Variants in SHOC1 observed in about 807,000 individuals in gnomAD.
SHOC1 encodes the protein shortage in chiasmata 1, also known as protein shortage in chiasmata 1 ortholog.
In SHOC1, 136 loss-of-function variants were observed where a neutral mutation model predicts 179.2. The observed-to-expected ratio is 0.76, with a 90% confidence interval of 0.66 to 0.87. SHOC1 has a LOEUF of 0.87. Ranked by LOEUF, SHOC1 falls within the 40% of genes least tolerant of loss-of-function variation. The probability of loss-of-function intolerance (pLI) is 0.00; values close to 1 mark genes in which losing one functional copy is unlikely to be tolerated. For missense variants in SHOC1, 1,538 were observed against 1,700.8 expected, an observed-to-expected ratio of 0.90 and a Z score of 1.68; for synonymous variants, 489 against 586.6, an observed-to-expected ratio of 0.83 and a Z score of 2.41.
intron 24 of SHOC1, among the ~76,000 whole-genome samples, chr9:111,695,734 T>TA (rs773527408): frequency 2.0e-5 from 3 of 152,232 alleles, no homozygotes; most frequent in African/African-American, 4.8e-5. Context: ...AGAATGATGT[T>TA]AACATCACGA....
In SHOC1 at chr9:111,753,855, A is replaced by C. The variant is rs187763178; in HGVS notation, c.862+2470T>G. Among the ~76,000 whole-genome samples, 165 of 152,316 alleles carry C rather than the reference A, an allele frequency of 1.1e-3. 1 individual carries two copies. Among genetic ancestry groups the C allele is most frequent in the Middle Eastern group, 0.01 (3 of 294 alleles). ...GAATCTAAAAAGCCGAACTTATAGA[A>C]ACAGAGAATAGAAGAGTGGTTACCA... On this transcript the variant is annotated intron_variant, in intron 8 of 27. Coordinates refer to ENST00000682961, the MANE Select transcript of SHOC1 (RefSeq NM_001378211.1).
chr9:111,686,754 T>A lies in SHOC1; in HGVS notation c.*16A>T. The A allele has an allele frequency of 6.5e-7, 1 of 1,538,460 alleles. No homozygotes were observed. The highest frequency in any genetic ancestry group is 9.0e-7 in the Non-Finnish European group (1 of 1,112,252). Reference sequence around the variant, plus strand: ...AAACAGTGGAATATGGCATGTAACATTGCTCTTCTCCTCCTTCAAAAAAAC... The same window carrying A: ...AAACAGTGGAATATGGCATGTAACAATGCTCTTCTCCTCCTTCAAAAAAAC... On this transcript the variant is annotated 3_prime_UTR_variant, in exon 28 of 28. Coordinates refer to ENST00000682961, the MANE Select transcript of SHOC1 (RefSeq NM_001378211.1).
In SHOC1 at chr9:111,692,056, T is replaced by C; in HGVS notation, c.3921A>G (p.Ile1307Met). ...LGLTQMNCETIKSPTDTQKRV... is the reference protein window; with the variant it reads ...LGLTQMNCETMKSPTDTQKRV... ...TCTTCTGAGTGTCAGTTGGTGATTT[T>C]ATAGTTTCACAGTTCATTTGTGTTA... Residue 1307 changes from isoleucine (I) to methionine (M), a missense_variant, in exon 27 of 28, where the codon ATA (isoleucine) becomes ATG (methionine). By Grantham distance (10) the Ile-to-Met change is conservative. Transcript: ENST00000682961. 6.2e-7 allele frequency: 1 copy of C among 1,613,926 alleles called. No individual in the cohort carries two copies. The highest frequency in any genetic ancestry group is 8.5e-7 in the Non-Finnish European group (1 of 1,179,914).
At chr9:111,781,199 C>A in intron 3 of SHOC1, 182 bp from the exon 4 acceptor site, 1 of 565,458 alleles carries the variant, frequency 1.8e-6, no homozygotes, top group Non-Finnish European at 3.2e-6. Context: ...AACCTACCCC[C>A]GCCCCTCAAT....
chr9:111,736,733 A>G (rs1411776607), intron 12 of SHOC1, among the ~76,000 whole-genome samples: 1 of 152,220 alleles, frequency 6.6e-6, no homozygotes, highest in Admixed American at 6.5e-5. Flanking sequence ...ATGAAACTAA[A>G]GAGCTTCTGC....
At chr9:111,755,047 C>T (rs137898986) in intron 8 of SHOC1, among the ~76,000 whole-genome samples, 1 of 152,232 alleles carries the variant, frequency 6.6e-6, no homozygotes, top group Non-Finnish European at 1.5e-5. Context: ...CACTGCCTAC[C>T]CCCTGACCTT....
chr9:111,714,480 T>A lies in SHOC1; in HGVS notation c.2380A>T (p.Ile794Leu). Reference sequence around the variant, plus strand: ...TGTTGACTTTGCATCCAACTTAGTATCTGACATTGCAATTCTTGTATCTTG... The same window carrying A: ...TGTTGACTTTGCATCCAACTTAGTAACTGACATTGCAATTCTTGTATCTTG... ...NYKIQELQCQ[I>L]LSWMQSQQQI... Residue 794 changes from isoleucine to leucine, a missense_variant, in exon 17 of 28, where the codon ATA becomes TTA. Coordinates refer to ENST00000682961, the MANE Select transcript of SHOC1 (RefSeq NM_001378211.1). 1 of 1,613,994 alleles carries A rather than the reference T, an allele frequency of 6.2e-7. No homozygotes were observed. The highest frequency in any genetic ancestry group is 8.5e-7 in the Non-Finnish European group (1 of 1,179,924).
intron 4 of SHOC1, among the ~76,000 whole-genome samples, chr9:111,777,768 C>G (rs563893380): frequency 5.3e-5 from 8 of 152,054 alleles, no homozygotes; most frequent in Non-Finnish European, 8.8e-5. Flanking sequence ...CCTAATAATA[C>G]CCTTGTACAG....
At chr9:111,762,867 AC>A (rs1411711878) in intron 5 of SHOC1, among the ~76,000 whole-genome samples, 1 of 152,042 alleles carries the variant, frequency 6.6e-6, no homozygotes, top group Non-Finnish European at 1.5e-5. Flanking sequence ...GTATAGTCAG[AC>A]AAAAAAAAAA....
intron 16 of SHOC1, among the ~76,000 whole-genome samples, chr9:111,716,671 GT>G (rs1238454871): frequency 1.3e-5 from 2 of 152,150 alleles, no homozygotes; most frequent in African/African-American, 2.4e-5. Flanking sequence ...GATTACAGGC[GT>G]GAGCCATGGC....
intron 5 of SHOC1, among the ~76,000 whole-genome samples, chr9:111,764,264 T>C (rs1358538509): frequency 6.6e-6 from 1 of 152,234 alleles, no homozygotes; most frequent in Non-Finnish European, 1.5e-5. Flanking sequence ...TTTTACTTAA[T>C]TCTCCAATTT....
intron 7 of SHOC1, 142 bp from the exon 8 acceptor site, chr9:111,756,620 C>G (rs1303725606): frequency 1.5e-6 from 1 of 665,580 alleles, no homozygotes; most frequent in African/African-American, 1.8e-5. Flanking sequence ...GCTATATATA[C>G]TTTAAAAAAA....
At position 111,736,452 on chromosome 9, in the gene SHOC1, T is replaced by C. The variant is rs188515940; in HGVS notation, c.1417+1828A>G. ...AGATCTTCAACAAAGCCAACAAAAA[T>C]AAGCAAGGGGGAAAGAACTCCCTAT... On this transcript the variant is annotated intron_variant, in intron 12 of 27. Coordinates refer to ENST00000682961, the MANE Select transcript of SHOC1 (RefSeq NM_001378211.1). 4.6e-5 allele frequency among the ~76,000 whole-genome samples: 7 copies of C among 151,934 alleles called. No individual in the cohort carries two copies. The East Asian group carries it at 1.4e-3, about 29-fold the overall frequency.
At chr9:111,689,814 A>C (rs1831348287) in intron 27 of SHOC1, among the ~76,000 whole-genome samples, 1 of 152,140 alleles carries the variant, frequency 6.6e-6, no homozygotes, top group Non-Finnish European at 1.5e-5. Flanking sequence ...CTGTTTGACT[A>C]TTCTACTCAT....
intron 12 of SHOC1, among the ~76,000 whole-genome samples, chr9:111,730,152 T>C (rs1577873): frequency 0.8 from 121,739 of 152,122 alleles, 48,885 homozygotes; most frequent in East Asian, 0.92. Context: ...TTGCTATTTC[T>C]ACCACATCTG....
Position 111,692,480 on chromosome 9 carries a change from A to C in SHOC1, c.3497T>G (p.Ile1166Ser), listed in dbSNP as rs537629803. 10 of 1,593,492 alleles carry C rather than the reference A, an allele frequency of 6.3e-6. No individual in the cohort carries two copies. In the South Asian group the frequency reaches 1.1e-4, roughly 18 times the overall value. ...HFCSITSLFKIGSSSITKSPQ... is the reference protein window; with the variant it reads ...HFCSITSLFKSGSSSITKSPQ... ...TGATTTTGTTATGGAAGAAGAACCAATCTTGAATAGGGAAGTGATGCTACA... is the reference window on the plus strand; with the variant it reads ...TGATTTTGTTATGGAAGAAGAACCACTCTTGAATAGGGAAGTGATGCTACA... The change falls in exon 27 of 28, where the codon ATT becomes AGT. Residue 1166 changes from isoleucine (I) to serine (S), a missense_variant. Physicochemically the swap from Ile to Ser is moderately radical, Grantham distance 142 (BLOSUM62 -2). Transcript: ENST00000682961.
At chr9:111,749,855 C>T (rs1834491544) in intron 8 of SHOC1, among the ~76,000 whole-genome samples, 1 of 152,210 alleles carries the variant, frequency 6.6e-6, no homozygotes, top group African/African-American at 2.4e-5. Flanking sequence ...GACATAATCT[C>T]ATTCCTTTTT....
intron 5 of SHOC1, among the ~76,000 whole-genome samples, chr9:111,761,872 G>T (rs1589452848): frequency 6.6e-6 from 1 of 151,972 alleles, no homozygotes; most frequent in Non-Finnish European, 1.5e-5. Flanking sequence ...CATCACATTG[G>T]TTTAAATGTA....
At chr9:111,793,467 G>GA (rs1359100561) in intron 1 of SHOC1, among the ~76,000 whole-genome samples, 4 of 152,104 alleles carry the variant, frequency 2.6e-5, no homozygotes, top group Non-Finnish European at 4.4e-5. Flanking sequence ...TACTTAATAA[G>GA]ATGCCATATG....
Sources: allele counts gnomAD v4.1 joint callset (sites outside exome capture counted in the v4.1 genomes callset), GRCh38; gene constraint gnomAD v4.1.1; transcripts MANE v1.5; gene names NCBI Gene and HGNC (gene_info 2026-07-23, HGNC 2026-07-21).